MPHOSPH9: variants seen among roughly 807,000 people sequenced by gnomAD.
MPHOSPH9 encodes M-phase phosphoprotein 9.
Under a neutral mutation model 145.5 loss-of-function variants are expected in MPHOSPH9, and 88 were observed. That is an observed-to-expected ratio of 0.60 (90% CI 0.51 to 0.72). MPHOSPH9 has a LOEUF of 0.72. MPHOSPH9 is among the 30% of genes least tolerant of loss of function. The probability of loss-of-function intolerance (pLI) is 0.00; values close to 1 mark genes in which losing one functional copy is unlikely to be tolerated. For missense variants in MPHOSPH9, 1,238 were observed against 1,386.6 expected, an observed-to-expected ratio of 0.89 and a Z score of 1.70; for synonymous variants, 435 against 486.2, an observed-to-expected ratio of 0.89 and a Z score of 1.39.
chr12:123,163,107 A>T lies in MPHOSPH9; in HGVS notation c.2936T>A (p.Val979Glu). ...TCGCTTTGGACTATAAGCCACAGTC[A>T]CTGGTGTTAGCATAATCTCTCTTTT... ...PTKREIMLTP[V>E]TVAYSPKRSP... Residue 979 changes from valine (V) to glutamate (E), a missense_variant, in exon 20 of 24, where the codon GTG (valine) becomes GAG (glutamate). Physicochemically the swap from Val to Glu is moderately radical, Grantham distance 121 (BLOSUM62 -2). Coordinates refer to ENST00000606320, the MANE Select transcript of MPHOSPH9 (RefSeq NM_022782.4). The T allele has an allele frequency of 6.3e-7, 1 of 1,588,830 alleles. No homozygotes were observed. Among genetic ancestry groups the T allele is most frequent in the Non-Finnish European group, 8.5e-7 (1 of 1,172,590 alleles).
At chr12:123,186,227 C>CA (rs35294099) in intron 13 of MPHOSPH9, among the ~76,000 whole-genome samples, 156 of 101,226 alleles carry the variant, frequency 1.5e-3, no homozygotes, top group Middle Eastern at 4.9e-3. Flanking sequence ...AACTCCGTCT[C>CA]AAAAAAAAAA....
intron 13 of MPHOSPH9, among the ~76,000 whole-genome samples, chr12:123,185,515 G>A (rs545303075): frequency 5.6e-4 from 86 of 152,224 alleles, no homozygotes; most frequent in Non-Finnish European, 8.8e-4. Context: ...AGGCCAGTGT[G>A]GGAGTATCGC....
chr12:123,240,727 C>CTTTTTTTTTTTTTTT (rs62837760), intron 1 of MPHOSPH9: 1 of 102,104 alleles, frequency 9.8e-6, no homozygotes. Context: ...TTTTATTGAC[C>CTTTTTTTTTTTTTTT]TTTTTTTTTT....
At chr12:123,212,766 C>CTT (rs769159602) in intron 7 of MPHOSPH9, among the ~76,000 whole-genome samples, 4,649 of 93,926 alleles carry the variant, frequency 0.049, 218 homozygotes, top group East Asian at 0.25. Flanking sequence ...CAATGGTCGA[C>CTT]TTTTTTTTTT....
chr12:123,226,130 T>C (rs1000734473), intron 3 of MPHOSPH9, among the ~76,000 whole-genome samples: 3 of 152,244 alleles, frequency 2.0e-5, no homozygotes, highest in African/African-American at 7.2e-5. Flanking sequence ...TTTAATTGCA[T>C]TTGCATGGGC....
intron 13 of MPHOSPH9, among the ~76,000 whole-genome samples, 165 bp downstream of exon 13, chr12:123,194,221 C>T (rs1213333579): frequency 6.6e-6 from 1 of 152,048 alleles, no homozygotes; most frequent in Non-Finnish European, 1.5e-5. Context: ...GTGAGTTGAG[C>T]TCCTGCCACT....
At chr12:123,233,519 G>T (rs1346709891), upstream of MPHOSPH9, 1 of 152,278 alleles carries the variant, frequency 6.6e-6, no homozygotes, top group Non-Finnish European at 1.5e-5. Context: ...CACGAGTCGG[G>T]TCCTGAGACC....
intron 15 of MPHOSPH9, among the ~76,000 whole-genome samples, 166 bp from the exon 16 acceptor site, chr12:123,176,955 G>A (rs527319466): frequency 3.9e-4 from 60 of 152,128 alleles, no homozygotes; most frequent in African/African-American, 1.3e-3. Flanking sequence ...ACTTTGGGAG[G>A]CGGAGGCAGG....
At chr12:123,161,090 C>A in intron 22 of MPHOSPH9, 46 bp downstream of exon 22, 2 of 1,597,280 alleles carry the variant, frequency 1.3e-6, no homozygotes, top group South Asian at 2.2e-5. Flanking sequence ...TAGACATAAG[C>A]ATTAAGTTCA....
chr12:123,183,082 A>G (rs2045264772), intron 13 of MPHOSPH9, among the ~76,000 whole-genome samples: 1 of 151,826 alleles, frequency 6.6e-6, no homozygotes, highest in African/African-American at 2.4e-5. Flanking sequence ...AAATAAATAA[A>G]TATAAGAACA....
In MPHOSPH9 at chr12:123,210,135, T is replaced by C; in HGVS notation, c.1115A>G (p.Lys372Arg). ...TTCAGGCAAAGAGTGGTGCATATCC[T>C]TTTCCTCTAGTTTCCAGTAAGTCAA... is the stretch of plus-strand genomic sequence containing the variant. ...TGLTYWKLEE[K>R]DMHHSLPETL... Residue 372 changes from lysine to arginine, a missense_variant, in exon 8 of 24, where the codon AAG (lysine) becomes AGG (arginine). Physicochemically the swap from Lys to Arg is conservative, Grantham distance 26. Transcript: ENST00000606320. 6.2e-7 allele frequency: 1 copy of C among 1,603,202 alleles called. No homozygotes were observed. Among genetic ancestry groups the C allele is most frequent in the Non-Finnish European group, 8.5e-7 (1 of 1,174,012 alleles).
intron 13 of MPHOSPH9, among the ~76,000 whole-genome samples, chr12:123,193,252 T>C (rs1023394472): frequency 6.7e-6 from 1 of 149,814 alleles, no homozygotes; most frequent in African/African-American, 2.5e-5. Flanking sequence ...ATGTCTGAAA[T>C]AGATGGAAAA....
At position 123,221,536 on chromosome 12, in the gene MPHOSPH9, A is replaced by G. The variant is rs761934537; in HGVS notation, c.708T>C (p.Ala236=). The G allele has an allele frequency of 5.0e-6, 8 of 1,614,128 alleles. No homozygotes were observed. In the African/African-American group the frequency reaches 1.1e-4, roughly 22 times the overall value. The change falls in exon 5 of 24, where the codon GCT becomes GCC. Residue 236 remains alanine (A), a synonymous_variant. Coordinates refer to ENST00000606320, the MANE Select transcript of MPHOSPH9 (RefSeq NM_022782.4). ...KGQYVAPAVP[A]ESLVDGVKNE... is the part of the protein sequence containing the mutation. Reference sequence around the variant, plus strand: ...TTTTCACACCATCTACAAGTGACTCAGCCGGCACCGCAGGTGCTACATACT... The same window carrying G: ...TTTTCACACCATCTACAAGTGACTCGGCCGGCACCGCAGGTGCTACATACT...
intron 16 of MPHOSPH9, among the ~76,000 whole-genome samples, chr12:123,174,944 C>G (rs1315024574): frequency 6.6e-6 from 1 of 152,106 alleles, no homozygotes; most frequent in Non-Finnish European, 1.5e-5. Context: ...TAGAATCTCT[C>G]CCGAAGAGTC....
intron 23 of MPHOSPH9, among the ~76,000 whole-genome samples, chr12:123,157,920 GA>G (rs1024595461): frequency 2.1e-4 from 32 of 149,320 alleles, no homozygotes; most frequent in Non-Finnish European, 2.1e-4. Context: ...AAGCAAAAAA[GA>G]AAAAAAAACT....
chr12:123,212,476 G>T (rs536130164), intron 7 of MPHOSPH9, among the ~76,000 whole-genome samples: 1 of 152,006 alleles, frequency 6.6e-6, no homozygotes, highest in Admixed American at 6.6e-5. Flanking sequence ...GATCACCTGA[G>T]GTGGGCAGAT....
chr12:123,214,883 A>G, intron 6 of MPHOSPH9, 49 bp from the exon 7 acceptor site: 1 of 1,448,132 alleles, frequency 6.9e-7, no homozygotes, highest in Non-Finnish European at 9.7e-7. Flanking sequence ...ATTAGGCACA[A>G]TCTGCTGACC....
Position 123,221,894 on chromosome 12 carries a change from T to C in MPHOSPH9, c.350A>G (p.His117Arg). Residue 117 changes from histidine (H) to arginine (R), a missense_variant and splice_region_variant, in exon 5 of 24, where the codon CAT becomes CGT. Coordinates refer to ENST00000606320, the MANE Select transcript of MPHOSPH9 (RefSeq NM_022782.4). ...TAAATTTTTTATCTCCTCCTGTATATGCTGGAAATAAAAAGTTATAGATTT... is the reference window on the plus strand; with the variant it reads ...TAAATTTTTTATCTCCTCCTGTATACGCTGGAAATAAAAAGTTATAGATTT... ...QQEQFHNQIQHIQEEIKNLVK... is the reference protein window; with the variant it reads ...QQEQFHNQIQRIQEEIKNLVK... 6.6e-7 allele frequency: 1 copy of C among 1,505,386 alleles called. No individual in the cohort carries two copies. The highest frequency in any genetic ancestry group is 8.9e-7 in the Non-Finnish European group (1 of 1,122,348). 93.3% of individuals were successfully genotyped at this position (1,505,386 alleles called of 1,614,324 possible).
At chr12:123,181,315 T>A in intron 13 of MPHOSPH9, 105 bp from the exon 14 acceptor site, 1 of 896,628 alleles carries the variant, frequency 1.1e-6, no homozygotes, top group Non-Finnish European at 1.8e-6. Flanking sequence ...AAAATGCCAA[T>A]GTCATGAAAG....
Sources: gnomAD v4.1 joint callset for allele counts (sites outside exome capture counted in the v4.1 genomes callset) on GRCh38, gnomAD v4.1.1 for gene constraint, MANE v1.5 for transcripts, NCBI Gene and HGNC (gene_info 2026-07-23, HGNC 2026-07-21) for gene names.